PIK3C2G: variants seen among roughly 807,000 people sequenced by gnomAD.
The protein encoded by PIK3C2G is phosphatidylinositol 3-kinase C2 domain-containing subunit gamma.
A neutral mutation model predicts 181.1 loss-of-function variants in PIK3C2G; 168 were observed. The ratio of observed to expected loss-of-function variants is 0.93; its 90% CI spans 0.82 to 1.05. The LOEUF (loss-of-function observed/expected upper bound fraction) is 1.05, where lower values mean the gene tolerates loss of function less well. Ranked by LOEUF, PIK3C2G falls within the 50% of genes least tolerant of loss-of-function variation. The probability of loss-of-function intolerance (pLI) is 0.00; values close to 1 mark genes in which losing one functional copy is unlikely to be tolerated. For synonymous variants in PIK3C2G, 573 were observed against 592.2 expected (o/e 0.97, Z 0.47); for missense variants, 1,869 against 1,732.8 (o/e 1.08, Z -1.40).
chr12:18,712,565 C>G, the PIK3C2G span, among the ~76,000 whole-genome samples: 1 of 152,068 alleles, frequency 6.6e-6, no homozygotes, highest in South Asian at 2.1e-4. Flanking sequence ...TGGCCATCAT[C>G]CACAATAATA....
intron 12 of PIK3C2G, among the ~76,000 whole-genome samples, chr12:18,363,588 C>A (rs1941426079): frequency 6.6e-6 from 1 of 151,932 alleles, no homozygotes; most frequent in African/African-American, 2.4e-5. Flanking sequence ...CATTTCCCTG[C>A]AGTCTGTATT....
At chr12:18,541,983 T>C (rs975916525) in intron 25 of PIK3C2G, among the ~76,000 whole-genome samples, 1 of 151,890 alleles carries the variant, frequency 6.6e-6, no homozygotes, top group African/African-American at 2.4e-5. Context: ...TCATCTGGTA[T>C]GAAGCAGTCT....
chr12:18,696,990 GTTTC>G, the PIK3C2G span, among the ~76,000 whole-genome samples: 3 of 152,106 alleles, frequency 2.0e-5, no homozygotes, highest in African/African-American at 7.2e-5. Flanking sequence ...TATTCTTTGT[GTTTC>G]TTCTTGTCTA....
intron 17 of PIK3C2G, among the ~76,000 whole-genome samples, chr12:18,421,255 T>C (rs556686644): frequency 6.6e-6 from 1 of 152,168 alleles, no homozygotes; most frequent in African/African-American, 2.4e-5. Flanking sequence ...AAAAATGATT[T>C]CATTTATTAA....
At chr12:18,303,227 T>A (rs1227279008) in intron 5 of PIK3C2G, among the ~76,000 whole-genome samples, 17 of 150,740 alleles carry the variant, frequency 1.1e-4, no homozygotes, top group Non-Finnish European at 1.2e-4. Flanking sequence ...CTTTCCTTCT[T>A]TCTCTCTTTC....
chr12:18,364,953 T>A lies in PIK3C2G; in HGVS notation c.1748+2067T>A, dbSNP rs1941533939. On this transcript the variant is annotated intron_variant, in intron 12 of 32. Coordinates refer to ENST00000538779, the MANE Select transcript of PIK3C2G (RefSeq NM_001288772.2). ...CAATCCCTAAAATTTTTCTTCTGAT[T>A]TAATTAAAAGTAATTTCTGGTTGTT... Among the ~76,000 whole-genome samples the A allele has an allele frequency of 3.9e-5, 6 of 152,306 alleles. No homozygotes were observed. In the South Asian group the frequency reaches 1.2e-3, roughly 32 times the overall value.
At chr12:18,458,404 C>T (rs2135924905) in intron 18 of PIK3C2G, among the ~76,000 whole-genome samples, 1 of 152,254 alleles carries the variant, frequency 6.6e-6, no homozygotes, top group Non-Finnish European at 1.5e-5. Flanking sequence ...TCTTGCTTAG[C>T]ACCATGCCTA....
the PIK3C2G span, among the ~76,000 whole-genome samples, chr12:18,664,443 G>C: frequency 6.6e-6 from 1 of 152,150 alleles, no homozygotes; most frequent in Non-Finnish European, 1.5e-5. Context: ...AGCATTGAAA[G>C]GGAAGGAAAT....
At chr12:18,348,148 A>G (rs942497303) in intron 11 of PIK3C2G, among the ~76,000 whole-genome samples, 1 of 152,004 alleles carries the variant, frequency 6.6e-6, no homozygotes, top group African/African-American at 2.4e-5. Flanking sequence ...AGATAAAGCT[A>G]TATGTATAGG....
intron 19 of PIK3C2G, among the ~76,000 whole-genome samples, chr12:18,490,915 T>C (rs1940505131): frequency 6.6e-6 from 1 of 152,154 alleles, no homozygotes; most frequent in Non-Finnish European, 1.5e-5. Context: ...AATATACTCA[T>C]TGATGTCCAG....
chr12:18,385,474 G>A (rs1943105943), intron 14 of PIK3C2G, among the ~76,000 whole-genome samples: 2 of 152,108 alleles, frequency 1.3e-5, no homozygotes, highest in South Asian at 4.1e-4. Flanking sequence ...CTCCCCGAAT[G>A]CAATCTAGTG....
At chr12:18,423,628 T>C (rs192588170) in intron 17 of PIK3C2G, among the ~76,000 whole-genome samples, 1 of 152,298 alleles carries the variant, frequency 6.6e-6, no homozygotes, top group Non-Finnish European at 1.5e-5. Context: ...GGCTTAATAA[T>C]ATTGTATTTA....
intron 18 of PIK3C2G, among the ~76,000 whole-genome samples, chr12:18,459,302 A>G (rs889923787): frequency 3.9e-5 from 6 of 152,166 alleles, no homozygotes; most frequent in Non-Finnish European, 7.3e-5. Context: ...AAGTCAGTCC[A>G]CTCCAAGTTG....
At chr12:18,574,645 C>T (rs767646921) in intron 29 of PIK3C2G, among the ~76,000 whole-genome samples, 26 of 152,142 alleles carry the variant, frequency 1.7e-4, no homozygotes, top group Admixed American at 6.5e-4. Flanking sequence ...TGGGTTATAC[C>T]TTGACTTAAG....
At chr12:18,374,757 G>A (rs1368592229) in intron 13 of PIK3C2G, among the ~76,000 whole-genome samples, 1 of 152,148 alleles carries the variant, frequency 6.6e-6, no homozygotes, top group Non-Finnish European at 1.5e-5. Context: ...GGTCATGGGA[G>A]CAGATCTCAT....
chr12:18,303,041 T>C (rs1353290030), intron 5 of PIK3C2G, among the ~76,000 whole-genome samples: 1 of 152,188 alleles, frequency 6.6e-6, no homozygotes, highest in African/African-American at 2.4e-5. Context: ...ACAGATGCAG[T>C]AGGCTGTGGT....
At chr12:18,703,466 G>A in the PIK3C2G span, among the ~76,000 whole-genome samples, 7 of 152,110 alleles carry the variant, frequency 4.6e-5, no homozygotes, top group Admixed American at 1.3e-4. Flanking sequence ...GTTTTTCTTC[G>A]ATGGTGCATG....
At chr12:18,655,808 C>T in the PIK3C2G span, among the ~76,000 whole-genome samples, 1,572 of 92,910 alleles carry the variant, frequency 0.017, 8 homozygotes, top group Non-Finnish European at 0.026. Context: ...CTACCAAATA[C>T]TTGACTAGTA....
chr12:18,561,544 G>T (rs933324168), intron 26 of PIK3C2G, among the ~76,000 whole-genome samples: 1 of 152,134 alleles, frequency 6.6e-6, no homozygotes, highest in African/African-American at 2.4e-5. Flanking sequence ...CATACTGTTT[G>T]CTTTATGGTA....
Sources: allele counts gnomAD v4.1 joint callset (sites outside exome capture counted in the v4.1 genomes callset), GRCh38; gene constraint gnomAD v4.1.1; transcripts MANE v1.5; gene names NCBI Gene and HGNC (gene_info 2026-07-23, HGNC 2026-07-21).